Variants in INVS observed in about 807,000 individuals in gnomAD.
The protein encoded by INVS is inversin.
Under a neutral mutation model 108.8 loss-of-function variants are expected in INVS, and 86 were observed. The ratio of observed to expected loss-of-function variants is 0.79; its 90% confidence interval spans 0.66 to 0.95. INVS has a LOEUF of 0.95. INVS is among the 40% of genes least tolerant of loss of function. The pLI is 0.00. For missense variants in INVS, 1,169 were observed against 1,297.4 expected (o/e 0.90, Z 1.52); for synonymous variants, 455 against 473.5 (o/e 0.96, Z 0.51).
At chr9:100,243,732 G>A (rs570060718) in intron 7 of INVS, among the ~76,000 whole-genome samples, 39 of 152,192 alleles carry the variant, frequency 2.6e-4, no homozygotes, top group Admixed American at 5.9e-4. Context: ...CTATCAGGCC[G>A]GACACAGTAG....
At chr9:100,268,943 C>T (rs1832869480) in intron 11 of INVS, among the ~76,000 whole-genome samples, 1 of 151,888 alleles carries the variant, frequency 6.6e-6, no homozygotes, top group African/African-American at 2.4e-5. Flanking sequence ...AATTTGGGCC[C>T]TATATTTTAT....
chr9:100,264,688 AT>A (rs1832730883), intron 10 of INVS, 133 bp from the exon 11 acceptor site: 1 of 692,052 alleles, frequency 1.4e-6, no homozygotes, highest in Non-Finnish European at 2.6e-6. Flanking sequence ...TCCACTGTAT[AT>A]TTAATATTTT....
chr9:100,185,463 A>C (rs1830025264), intron 3 of INVS, among the ~76,000 whole-genome samples: 1 of 146,092 alleles, frequency 6.8e-6, no homozygotes, highest in Non-Finnish European at 1.5e-5. Flanking sequence ...TTATAAATAG[A>C]ATTTTTTTTT....
chr9:100,100,594 ATG>A (rs1249262087), intron 1 of INVS, among the ~76,000 whole-genome samples: 2 of 96,654 alleles, frequency 2.1e-5, no homozygotes, highest in African/African-American at 4.3e-5. Context: ...TATATAATAT[ATG>A]TACATATAAT....
intron 7 of INVS, among the ~76,000 whole-genome samples, chr9:100,243,715 A>G (rs1831953466): frequency 6.6e-6 from 1 of 152,124 alleles, no homozygotes; most frequent in Non-Finnish European, 1.5e-5. Context: ...ATCAAATTAT[A>G]ATAATACTAT....
At chr9:100,133,367 T>C (rs1330358390) in intron 3 of INVS, among the ~76,000 whole-genome samples, 3 of 151,852 alleles carry the variant, frequency 2.0e-5, no homozygotes. Flanking sequence ...TGTGTGTACA[T>C]GTGCACATAC....
chr9:100,289,663 T>A (rs966807658), intron 13 of INVS, among the ~76,000 whole-genome samples: 1 of 152,208 alleles, frequency 6.6e-6, no homozygotes, highest in Non-Finnish European at 1.5e-5. Context: ...ATATGGCCTT[T>A]TGTTCTCCAG....
chr9:100,115,663 A>C (rs1371864284), intron 2 of INVS, among the ~76,000 whole-genome samples: 2 of 152,152 alleles, frequency 1.3e-5, no homozygotes, highest in Non-Finnish European at 2.9e-5. Context: ...CATGGTGTAT[A>C]TGTGCCACAT....
At position 100,105,679 on chromosome 9, in the gene INVS, TAC is replaced by T. The variant is rs1233673193; in HGVS notation, c.106+1053_106+1054del. ...CATTCTACCATTCAACTAAAACTCTTACTTTCAGCTCACTTACTGATGACAAA... is the reference window on the plus strand; with the variant it reads ...CATTCTACCATTCAACTAAAACTCTTTTTCAGCTCACTTACTGATGACAAA... On this transcript the variant is annotated intron_variant, in intron 2 of 16. Transcript: ENST00000262457. Among the ~76,000 whole-genome samples the T allele has an allele frequency of 2.0e-5, 3 of 152,180 alleles. No individual in the cohort carries two copies. The East Asian group carries it at 5.8e-4, about 29-fold the overall frequency.
At chr9:100,237,791 T>C (rs1831736743) in intron 5 of INVS, among the ~76,000 whole-genome samples, 1 of 152,120 alleles carries the variant, frequency 6.6e-6, no homozygotes, top group African/African-American at 2.4e-5. Flanking sequence ...ACCAGAGCTG[T>C]TCCTATTTGG....
At chr9:100,254,697 T>C (rs1263522128) in intron 10 of INVS, among the ~76,000 whole-genome samples, 1 of 152,212 alleles carries the variant, frequency 6.6e-6, no homozygotes, top group Non-Finnish European at 1.5e-5. Flanking sequence ...TGCTTGTTTT[T>C]GTCAGGTTTG....
intron 3 of INVS, among the ~76,000 whole-genome samples, chr9:100,147,846 T>C (rs769714397): frequency 6.6e-6 from 1 of 151,906 alleles, no homozygotes; most frequent in Admixed American, 6.6e-5. Flanking sequence ...GGGTTAAAAA[T>C]AAGAGTATGT....
At chr9:100,136,532 A>G (rs1828230620) in intron 3 of INVS, among the ~76,000 whole-genome samples, 1 of 152,202 alleles carries the variant, frequency 6.6e-6, no homozygotes, top group Admixed American at 6.6e-5. Context: ...TCCTGATTAT[A>G]TCTCAAACAT....
chr9:100,284,769 T>C (rs1178096698), intron 13 of INVS, among the ~76,000 whole-genome samples, 166 bp downstream of exon 13: 1 of 152,094 alleles, frequency 6.6e-6, no homozygotes, highest in Non-Finnish European at 1.5e-5. Flanking sequence ...GTTCTTTTTC[T>C]TTTTTTTCCC....
chr9:100,281,296 G>A (rs1039232363), intron 12 of INVS, among the ~76,000 whole-genome samples: 1 of 152,180 alleles, frequency 6.6e-6, no homozygotes, highest in African/African-American at 2.4e-5. Context: ...AAATGAGGGT[G>A]TCACCCTCAA....
At chr9:100,128,246 A>C (rs1314506787) in intron 3 of INVS, among the ~76,000 whole-genome samples, 2 of 152,148 alleles carry the variant, frequency 1.3e-5, no homozygotes, top group African/African-American at 4.8e-5. Context: ...TGATTTTTTA[A>C]TTATAAGTTT....
chr9:100,248,709 T>C (rs1407314877), intron 8 of INVS, among the ~76,000 whole-genome samples: 1 of 152,138 alleles, frequency 6.6e-6, no homozygotes, highest in Non-Finnish European at 1.5e-5. Flanking sequence ...TTTTGTCCTT[T>C]CTTTGCAATG....
At chr9:100,163,728 C>T (rs993379668) in intron 3 of INVS, among the ~76,000 whole-genome samples, 1 of 152,110 alleles carries the variant, frequency 6.6e-6, no homozygotes, top group African/African-American at 2.4e-5. Context: ...TATGAAGGAA[C>T]AAACCTTTCT....
At chr9:100,279,879 C>T (rs1423686544) in intron 12 of INVS, among the ~76,000 whole-genome samples, 2 of 152,074 alleles carry the variant, frequency 1.3e-5, no homozygotes, top group Non-Finnish European at 2.9e-5. Flanking sequence ...TCTTGTGGGT[C>T]GCAGTATTTA....
Sources: allele counts gnomAD v4.1 joint callset (sites outside exome capture counted in the v4.1 genomes callset), GRCh38; gene constraint gnomAD v4.1.1; transcripts MANE v1.5; gene names NCBI Gene and HGNC (gene_info 2026-07-23, HGNC 2026-07-21).